SH3GL2: variants seen among roughly 807,000 people sequenced by gnomAD.
SH3GL2 encodes the protein SH3 domain containing GRB2 like 2, endophilin A1.
Under a neutral mutation model 46.0 loss-of-function variants are expected in SH3GL2, and 24 were observed. The observed-to-expected ratio is 0.52, with a 90% CI of 0.38 to 0.73. The LOEUF (loss-of-function observed/expected upper bound fraction) is 0.73, where lower values mean the gene tolerates loss of function less well. SH3GL2 is among the 30% of genes least tolerant of loss of function. SH3GL2 has a pLI of 0.00. For missense variants in SH3GL2, 413 were observed against 424.2 expected (o/e 0.97, Z 0.23); for synonymous variants, 196 against 147.1 (o/e 1.33, Z -2.40).
At chr9:17,736,861 A>G (rs953379939) in intron 1 of SH3GL2, among the ~76,000 whole-genome samples, 3 of 152,124 alleles carry the variant, frequency 2.0e-5, no homozygotes, top group African/African-American at 7.2e-5. Context: ...ATAGGCAGAA[A>G]GTGAGATGGA....
At chr9:17,778,051 C>G (rs1311934883) in intron 3 of SH3GL2, among the ~76,000 whole-genome samples, 1 of 151,944 alleles carries the variant, frequency 6.6e-6, no homozygotes, top group Admixed American at 6.6e-5. Context: ...TTCAGTATAC[C>G]TCTTGGTTAA....
intron 2 of SH3GL2, among the ~76,000 whole-genome samples, chr9:17,753,281 C>T (rs1173733681): frequency 1.3e-5 from 2 of 152,146 alleles, no homozygotes; most frequent in Non-Finnish European, 2.9e-5. Context: ...GAGGAATCAC[C>T]ACACTATCTT....
At chr9:17,784,715 G>T (rs1362427702) in intron 3 of SH3GL2, among the ~76,000 whole-genome samples, 1 of 152,046 alleles carries the variant, frequency 6.6e-6, no homozygotes, top group Non-Finnish European at 1.5e-5. Flanking sequence ...TGATTCTGTG[G>T]CATTTTCTCT....
intron 3 of SH3GL2, among the ~76,000 whole-genome samples, chr9:17,767,785 T>A (rs1005328059): frequency 6.6e-6 from 1 of 152,042 alleles, no homozygotes; most frequent in African/African-American, 2.4e-5. Flanking sequence ...ACAAAAGCAG[T>A]TGTGAGGAAA....
chr9:17,680,265 T>C (rs549760771), intron 1 of SH3GL2, among the ~76,000 whole-genome samples: 81 of 152,252 alleles, frequency 5.3e-4, no homozygotes, highest in African/African-American at 1.9e-3. Flanking sequence ...GTCCTGGGAT[T>C]TTTTTGGTTG....
At chr9:17,743,028 C>T (rs1822573122) in intron 1 of SH3GL2, among the ~76,000 whole-genome samples, 1 of 152,154 alleles carries the variant, frequency 6.6e-6, no homozygotes, top group African/African-American at 2.4e-5. Context: ...GATATCACCT[C>T]AGTGGAAAAA....
At chr9:17,742,490 T>G (rs1822555100) in intron 1 of SH3GL2, among the ~76,000 whole-genome samples, 1 of 152,212 alleles carries the variant, frequency 6.6e-6, no homozygotes, top group South Asian at 2.1e-4. Flanking sequence ...GTGAGTTGAT[T>G]GTATTATTTA....
chr9:17,615,254 AG>A (rs1256377280), intron 1 of SH3GL2, among the ~76,000 whole-genome samples: 1 of 152,218 alleles, frequency 6.6e-6, no homozygotes, highest in African/African-American at 2.4e-5. Flanking sequence ...GGGATATTTT[AG>A]GAATTCTCAG....
chr9:17,618,072 G>C (rs992298455), intron 1 of SH3GL2, among the ~76,000 whole-genome samples: 5 of 152,176 alleles, frequency 3.3e-5, no homozygotes, highest in Non-Finnish European at 5.9e-5. Context: ...GTAGAAAATG[G>C]AGAGGAAAGC....
At chr9:17,712,900 A>G (rs372063624) in intron 1 of SH3GL2, among the ~76,000 whole-genome samples, 1 of 133,696 alleles carries the variant, frequency 7.5e-6, no homozygotes. Flanking sequence ...CTTGATTACA[A>G]TGTCCAATAG....
At chr9:17,649,887 AT>A (rs1461516770) in intron 1 of SH3GL2, among the ~76,000 whole-genome samples, 1 of 152,212 alleles carries the variant, frequency 6.6e-6, no homozygotes, top group Admixed American at 6.5e-5. Context: ...CAGTTCAGAG[AT>A]TTGACAGGTT....
chr9:17,705,010 G>A (rs957879398), intron 1 of SH3GL2, among the ~76,000 whole-genome samples: 2 of 151,634 alleles, frequency 1.3e-5, no homozygotes, highest in African/African-American at 4.9e-5. Context: ...TGCAACAAAG[G>A]TCTAATATCC....
At chr9:17,679,019 G>C (rs552518366) in intron 1 of SH3GL2, among the ~76,000 whole-genome samples, 1 of 152,126 alleles carries the variant, frequency 6.6e-6, no homozygotes, top group Non-Finnish European at 1.5e-5. Context: ...GTACCATGCT[G>C]TTTTGGTTAC....
At chr9:17,599,580 A>G (rs531068249) in intron 1 of SH3GL2, among the ~76,000 whole-genome samples, 9 of 152,342 alleles carry the variant, frequency 5.9e-5, no homozygotes, top group South Asian at 2.1e-4. Flanking sequence ...TGCTGTGTTA[A>G]TGGTAGTGAA....
At chr9:17,774,831 A>G (rs1823595464) in intron 3 of SH3GL2, among the ~76,000 whole-genome samples, 1 of 152,102 alleles carries the variant, frequency 6.6e-6, no homozygotes, top group African/African-American at 2.4e-5. Flanking sequence ...TCCTTCTTCA[A>G]TTTTTTGGAA....
chr9:17,597,607 A>G (rs1376190890), intron 1 of SH3GL2, among the ~76,000 whole-genome samples: 1 of 152,104 alleles, frequency 6.6e-6, no homozygotes, highest in Non-Finnish European at 1.5e-5. Flanking sequence ...ATTCTGTATT[A>G]TGTGCTTGTT....
At chr9:17,782,925 C>T (rs974161727) in intron 3 of SH3GL2, among the ~76,000 whole-genome samples, 2 of 152,042 alleles carry the variant, frequency 1.3e-5, no homozygotes, top group East Asian at 1.9e-4. Context: ...CCAAATCTTG[C>T]GCAACCTCAC....
intron 3 of SH3GL2, among the ~76,000 whole-genome samples, chr9:17,778,129 C>A (rs1470906540): frequency 6.6e-6 from 1 of 152,140 alleles, no homozygotes; most frequent in East Asian, 1.9e-4. Context: ...TCCATAAGTG[C>A]CAGGCACGGT....
chr9:17,687,012 A>G (rs1439688447), intron 1 of SH3GL2, among the ~76,000 whole-genome samples: 2 of 152,068 alleles, frequency 1.3e-5, no homozygotes, highest in East Asian at 3.9e-4. Context: ...ACTGTGAACT[A>G]CATTTTGATT....
Sources: gnomAD v4.1 joint callset for allele counts (sites outside exome capture counted in the v4.1 genomes callset) on GRCh38, gnomAD v4.1.1 for gene constraint, MANE v1.5 for transcripts, NCBI Gene and HGNC (gene_info 2026-07-23, HGNC 2026-07-21) for gene names.